Variants in KDM2A observed in about 807,000 individuals in gnomAD.
KDM2A encodes the protein lysine demethylase 2A, also known as lysine-specific demethylase 2A.
In KDM2A, 3 loss-of-function variants were observed where a neutral mutation model predicts 137.3. That is an observed-to-expected ratio of 0.02 (90% CI 0.01 to 0.06). The LOEUF is 0.06. Ranked by LOEUF, KDM2A falls within the 10% of genes least tolerant of loss-of-function variation. The pLI, the probability that KDM2A is intolerant of heterozygous loss-of-function variation, is 1.00. For missense variants in KDM2A, 738 were observed against 1,510.6 expected (o/e 0.49, Z 8.48); for synonymous variants, 512 against 541.5 (o/e 0.95, Z 0.76).
intron 5 of KDM2A, among the ~76,000 whole-genome samples, chr11:67,188,677 G>C (rs1260121715): frequency 6.6e-6 from 1 of 150,874 alleles, no homozygotes; most frequent in African/African-American, 2.4e-5. Context: ...TGTAGTCTAA[G>C]CTACTCAGGA....
chr11:67,231,520 T>C lies in KDM2A; in HGVS notation c.1085-46T>C. 6.0e-6 allele frequency: 9 copies of C among 1,495,608 alleles called. 1 individual carries two copies. In the South Asian group the frequency reaches 1.2e-4, roughly 20 times the overall value. The allele number at this position is 1,495,608 out of a possible 1,614,324, so 92.6% of individuals were successfully genotyped here. ...CCACCTATTTCTCTTGCTGATCACA[T>C]GGCAGAGTGAAATGTTCTTACTGCA... On this transcript the variant is annotated intron_variant, in intron 11 of 20. Transcript: ENST00000529006.
At position 67,245,811 on chromosome 11, in the gene KDM2A, C is replaced by T; in HGVS notation, c.1834-174C>T. The T allele has an allele frequency of 1.4e-6, 1 of 733,136 alleles. No homozygotes were observed. The highest frequency in any genetic ancestry group is 1.8e-5 in the African/African-American group (1 of 56,264). 45.4% of individuals were successfully genotyped at this position (733,136 alleles called of 1,614,324 possible). A position where few individuals can be genotyped will look rare whatever the true frequency, so the allele number is the denominator to read the frequency against. On this transcript the variant is annotated intron_variant, in intron 14 of 20. Coordinates refer to ENST00000529006, the MANE Select transcript of KDM2A (RefSeq NM_012308.3). This position sits in a 1 kb window ranked among gnomAD's most constrained non-coding sequence, Gnocchi z 4.1. Reference sequence around the variant, plus strand: ...GGTGCCCAGGTGGTTGAGTCCTCCTCTTCCCCAGTCATTTTTCCTACCCAA... The same window carrying T: ...GGTGCCCAGGTGGTTGAGTCCTCCTTTTCCCCAGTCATTTTTCCTACCCAA...
intron 12 of KDM2A, among the ~76,000 whole-genome samples, chr11:67,235,754 G>C (rs1858853647): frequency 6.6e-6 from 1 of 151,368 alleles, no homozygotes; most frequent in African/African-American, 2.4e-5. Flanking sequence ...CTGAGTAACT[G>C]GGTCTACAGG....
At chr11:67,196,331 G>A (rs1277471621) in intron 5 of KDM2A, 1 of 456,064 alleles carries the variant, frequency 2.2e-6, no homozygotes, top group South Asian at 1.5e-5. Context: ...TAAGAGATGA[G>A]GTCTCACTGT....
chr11:67,131,710 C>A (rs1273326278), intron 2 of KDM2A, among the ~76,000 whole-genome samples: 4 of 152,142 alleles, frequency 2.6e-5, no homozygotes, highest in African/African-American at 9.7e-5. Flanking sequence ...CGACTTTCCG[C>A]CTACTTTAAC....
At chr11:67,130,918 G>A (rs1457443805) in intron 2 of KDM2A, among the ~76,000 whole-genome samples, 7 of 149,858 alleles carry the variant, frequency 4.7e-5, no homozygotes, top group Non-Finnish European at 8.9e-5. Flanking sequence ...GCCATGACTT[G>A]CCCAAGATCA....
chr11:67,205,415 A>G (rs887950397), intron 5 of KDM2A, among the ~76,000 whole-genome samples: 23 of 152,224 alleles, frequency 1.5e-4, no homozygotes, highest in African/African-American at 5.1e-4. Flanking sequence ...GAGACAGGGT[A>G]TCAGGTTCTA....
chr11:67,173,017 C>G (rs1033734156), intron 2 of KDM2A, among the ~76,000 whole-genome samples: 1 of 151,946 alleles, frequency 6.6e-6, no homozygotes, highest in Non-Finnish European at 1.5e-5. Flanking sequence ...GAGACAAGGT[C>G]TCTCACCCTG....
intron 2 of KDM2A, among the ~76,000 whole-genome samples, chr11:67,167,305 A>G (rs971301880): frequency 6.6e-6 from 1 of 152,230 alleles, no homozygotes; most frequent in Non-Finnish European, 1.5e-5. Flanking sequence ...TGATGATATC[A>G]TAGTTAAATG....
At chr11:67,244,115 C>T (rs748544210) in intron 13 of KDM2A, among the ~76,000 whole-genome samples, 1 of 152,120 alleles carries the variant, frequency 6.6e-6, no homozygotes, top group Non-Finnish European at 1.5e-5. Context: ...CCTCCTCGTC[C>T]CTAGTGGGAG....
intron 5 of KDM2A, among the ~76,000 whole-genome samples, chr11:67,194,824 G>C (rs574450931): frequency 6.6e-6 from 1 of 152,250 alleles, no homozygotes; most frequent in African/African-American, 2.4e-5. Flanking sequence ...AGGGTTTTAG[G>C]AGGATCCTAT....
intron 2 of KDM2A, among the ~76,000 whole-genome samples, chr11:67,151,799 A>G (rs1278624780): frequency 6.6e-6 from 1 of 152,080 alleles, no homozygotes; most frequent in Non-Finnish European, 1.5e-5. Flanking sequence ...ACTGGAGTGT[A>G]GTATGGCTTT....
At chr11:67,230,233 C>T (rs1292367514) in intron 11 of KDM2A, among the ~76,000 whole-genome samples, 1 of 151,970 alleles carries the variant, frequency 6.6e-6, no homozygotes, top group Non-Finnish European at 1.5e-5. Context: ...ACCTGTAGTC[C>T]CAGCTAGTTG....
At chr11:67,248,157 C>A in intron 15 of KDM2A, 124 bp from the exon 16 acceptor site, 1 of 704,906 alleles carries the variant, frequency 1.4e-6, no homozygotes, top group Non-Finnish European at 2.4e-6. Flanking sequence ...CTGGATTGCT[C>A]ACAGTTTTTC....
intron 10 of KDM2A, among the ~76,000 whole-genome samples, chr11:67,220,920 AGTTCAT>A (rs1196873074): frequency 6.6e-6 from 1 of 152,026 alleles, no homozygotes; most frequent in African/African-American, 2.4e-5. Context: ...CCTTTTATAT[AGTTCAT>A]GATCATGATT....
chr11:67,169,070 C>T (rs1856817333), intron 2 of KDM2A, among the ~76,000 whole-genome samples: 1 of 150,238 alleles, frequency 6.7e-6, no homozygotes, highest in Admixed American at 6.7e-5. Context: ...ATTCTCTTGC[C>T]TCAGCCTCCT....
chr11:67,166,781 A>G (rs530197477), intron 2 of KDM2A, among the ~76,000 whole-genome samples: 3 of 152,266 alleles, frequency 2.0e-5, no homozygotes, highest in South Asian at 2.1e-4. Flanking sequence ...GAGCAGGTCA[A>G]AACTCCTGTG....
intron 2 of KDM2A, among the ~76,000 whole-genome samples, chr11:67,138,710 G>A (rs1488633057): frequency 6.6e-6 from 1 of 152,188 alleles, no homozygotes; most frequent in Non-Finnish European, 1.5e-5. Context: ...GAACCTGGGA[G>A]GTGGAGGTTA....
chr11:67,240,151 GC>G (rs1858985197), intron 12 of KDM2A: 2 of 1,459,458 alleles, frequency 1.4e-6, no homozygotes, highest in Admixed American at 5.0e-5. Context: ...AGCCCAGAGC[GC>G]TGCACGCTGC....
Sources: gnomAD v4.1 joint callset for allele counts (sites outside exome capture counted in the v4.1 genomes callset) on GRCh38, gnomAD v4.1.1 for gene constraint, Gnocchi (gnomAD v3.1) non-coding constraint, MANE v1.5 for transcripts, NCBI Gene and HGNC (gene_info 2026-07-23, HGNC 2026-07-21) for gene names.